Variants in STARD7 observed in about 807,000 individuals in gnomAD.
The protein encoded by STARD7 is stAR-related lipid transfer protein 7, mitochondrial.
A neutral mutation model predicts 45.3 loss-of-function variants in STARD7; 30 were observed. That is an observed-to-expected ratio of 0.66 (90% confidence interval 0.50 to 0.90). The LOEUF is 0.90. STARD7 is among the 40% of genes least tolerant of loss of function. STARD7 has a pLI of 0.00. For synonymous variants in STARD7, 199 were observed against 183.0 expected (o/e 1.09, Z -0.70); for missense variants, 495 against 491.3 (o/e 1.01, Z -0.07).
intron 3 of STARD7, among the ~76,000 whole-genome samples, chr2:96,194,674 G>GA (rs1390172812): frequency 6.6e-6 from 1 of 152,040 alleles, no homozygotes; most frequent in African/African-American, 2.4e-5. Context: ...GTTGTTTGGG[G>GA]AAAAAAACAA....
chr2:96,208,619 A>C lies in STARD7; in HGVS notation c.-185T>G, dbSNP rs910989092. 1.0e-4 allele frequency: 51 copies of C among 498,704 alleles called. No individual in the cohort carries two copies. Among genetic ancestry groups the C allele is most frequent in the African/African-American group, 9.9e-4 (49 of 49,554 alleles). The allele number at this position is 498,704 out of a possible 1,614,324, so 30.9% of individuals were successfully genotyped here. On this transcript the variant is annotated 5_prime_UTR_variant, in exon 1 of 8. Coordinates refer to ENST00000337288, the MANE Select transcript of STARD7 (RefSeq NM_020151.4). Reference sequence around the variant, plus strand: ...CTGAGGAAGAGTCTCCTCTGAGGGGAGAGTCGGTCATGGCAGCAGACGCCG... The same window carrying C: ...CTGAGGAAGAGTCTCCTCTGAGGGGCGAGTCGGTCATGGCAGCAGACGCCG...
At chr2:96,204,749 CAA>C (rs397959036) in intron 1 of STARD7, among the ~76,000 whole-genome samples, 56 of 96,078 alleles carry the variant, frequency 5.8e-4, no homozygotes, top group Non-Finnish European at 7.8e-4. Flanking sequence ...TGACAATGGC[CAA>C]AAAAAAAAAA....
intron 1 of STARD7, among the ~76,000 whole-genome samples, chr2:96,200,778 G>A (rs1683292811): frequency 6.6e-6 from 1 of 152,078 alleles, no homozygotes; most frequent in African/African-American, 2.4e-5. Flanking sequence ...AGCCTCCCAA[G>A]TAGCTGGCAC....
At chr2:96,197,080 A>AAACTAAACTAACC (rs1491522210) in intron 1 of STARD7, among the ~76,000 whole-genome samples, 1 of 134,384 alleles carries the variant, frequency 7.4e-6, no homozygotes, top group Non-Finnish European at 1.6e-5. Flanking sequence ...ATAAAATAAA[A>AAACTAAACTAACC]TAAAATAAAA....
At chr2:96,207,956 T>C (rs1683424556) in intron 1 of STARD7, among the ~76,000 whole-genome samples, 189 bp downstream of exon 1, 1 of 152,232 alleles carries the variant, frequency 6.6e-6, no homozygotes, top group African/African-American at 2.4e-5. Flanking sequence ...AGTTCTATTT[T>C]ATAACCCGAC....
intron 1 of STARD7, among the ~76,000 whole-genome samples, chr2:96,199,607 G>C (rs1486709399): frequency 2.0e-5 from 3 of 150,054 alleles, no homozygotes; most frequent in Admixed American, 6.6e-5. Flanking sequence ...GCTGCAAATA[G>C]AGATAGTTTT....
chr2:96,193,462 G>C, intron 3 of STARD7, 110 bp from the exon 4 acceptor site: 1 of 744,964 alleles, frequency 1.3e-6, no homozygotes, highest in Non-Finnish European at 2.4e-6. Flanking sequence ...CAAGGAGAGA[G>C]TAATCTGACC....
chr2:96,188,921 C>CA (rs111237898), intron 6 of STARD7, among the ~76,000 whole-genome samples: 20,988 of 150,690 alleles, frequency 0.14, 1,683 homozygotes, highest in South Asian at 0.24. Context: ...CAAACAAAAA[C>CA]AAAAAAACAA....
intron 6 of STARD7, among the ~76,000 whole-genome samples, chr2:96,191,427 C>T (rs1296704229): frequency 1.3e-5 from 2 of 152,152 alleles, no homozygotes; most frequent in Non-Finnish European, 2.9e-5. Context: ...CCTACCTTGG[C>T]TCAAAGATCT....
intron 1 of STARD7, among the ~76,000 whole-genome samples, chr2:96,199,706 T>C (rs1683276691): frequency 6.6e-6 from 1 of 152,188 alleles, no homozygotes; most frequent in Non-Finnish European, 1.5e-5. Flanking sequence ...TGAACAGAAA[T>C]GGTGAGAGCA....
intron 1 of STARD7, 59 bp from the exon 2 acceptor site, chr2:96,195,608 T>A: frequency 5.8e-6 from 8 of 1,373,914 alleles, no homozygotes; most frequent in African/African-American, 1.4e-5. Context: ...AAATGAAGTG[T>A]CCACACAAAG....
At chr2:96,201,342 A>G (rs1203558082) in intron 1 of STARD7, among the ~76,000 whole-genome samples, 2 of 151,002 alleles carry the variant, frequency 1.3e-5, no homozygotes, top group Non-Finnish European at 2.9e-5. Flanking sequence ...TTGGGAGGCT[A>G]AGGTGAGCAG....
intron 1 of STARD7, among the ~76,000 whole-genome samples, chr2:96,205,297 AC>A (rs1042383370): frequency 6.6e-6 from 1 of 152,246 alleles, no homozygotes; most frequent in African/African-American, 2.4e-5. Context: ...AGCACAAAAG[AC>A]GAGAAGACAA....
Position 96,185,806 on chromosome 2 carries a change from C to G in STARD7, c.*924G>C, listed in dbSNP as rs1277948791. 6.6e-6 allele frequency: 1 copy of G among 152,158 alleles called. No homozygotes were observed. Among genetic ancestry groups the G allele is most frequent in the African/African-American group, 2.4e-5 (1 of 41,440 alleles). The allele number at this position is 152,158 out of a possible 1,614,324, so 9.4% of individuals were successfully genotyped here. ...CTGAATCAAAATGGTGTTTTCTATA[C>G]AATCGGACTAGGGTAGAATCCTGCT... On this transcript the variant is annotated 3_prime_UTR_variant, in exon 8 of 8. Transcript: ENST00000337288.
chr2:96,197,085 A>AAACAAC (rs1558735827), intron 1 of STARD7, among the ~76,000 whole-genome samples: 1 of 136,970 alleles, frequency 7.3e-6, no homozygotes, highest in African/African-American at 2.6e-5. Context: ...ATAAAATAAA[A>AAACAAC]TAAAATAAAA....
intron 6 of STARD7, among the ~76,000 whole-genome samples, chr2:96,192,052 G>A (rs1001235350): frequency 4.6e-5 from 7 of 152,166 alleles, no homozygotes; most frequent in African/African-American, 1.7e-4. Flanking sequence ...GTAGTAAAAT[G>A]TTGACAGGAG....
chr2:96,199,044 T>A (rs1020188802), intron 1 of STARD7, among the ~76,000 whole-genome samples: 1 of 152,224 alleles, frequency 6.6e-6, no homozygotes, highest in Non-Finnish European at 1.5e-5. Context: ...TAGATGTCTA[T>A]CCTTATGCCA....
At chr2:96,196,390 T>G (rs1410191206) in intron 1 of STARD7, among the ~76,000 whole-genome samples, 1 of 151,932 alleles carries the variant, frequency 6.6e-6, no homozygotes, top group African/African-American at 2.4e-5. Flanking sequence ...AGCCCAGGAG[T>G]TGGAGGCTGT....
intron 1 of STARD7, among the ~76,000 whole-genome samples, chr2:96,203,035 A>T (rs987982976): frequency 6.6e-6 from 1 of 152,260 alleles, no homozygotes; most frequent in Non-Finnish European, 1.5e-5. Context: ...TATGAATGAT[A>T]GAGCAAGACT....
Sources: gnomAD v4.1 joint callset for allele counts (sites outside exome capture counted in the v4.1 genomes callset) on GRCh38, gnomAD v4.1.1 for gene constraint, MANE v1.5 for transcripts, NCBI Gene and HGNC (gene_info 2026-07-23, HGNC 2026-07-21) for gene names.